The following XYLT1 variants were observed in gnomAD, a reference collection of about 807,000 sequenced individuals.
XYLT1 encodes xylosyltransferase 1, also known as beta-D-xylosyltransferase 1.
A neutral mutation model predicts 91.3 loss-of-function variants in XYLT1; 36 were observed. The observed-to-expected ratio is 0.39, with a 90% confidence interval of 0.30 to 0.52. The LOEUF (loss-of-function observed/expected upper bound fraction) is 0.52. Ranked by LOEUF, XYLT1 falls within the 20% of genes least tolerant of loss-of-function variation. The pLI, the probability that XYLT1 is intolerant of heterozygous loss-of-function variation, is 0.68. For synonymous variants in XYLT1, 588 were observed against 532.0 expected (o/e 1.11, Z -1.45); for missense variants, 1,242 against 1,284.5 (o/e 0.97, Z 0.51).
At chr16:17,218,545 G>A (rs1233319080) in intron 3 of XYLT1, among the ~76,000 whole-genome samples, 1 of 152,048 alleles carries the variant, frequency 6.6e-6, no homozygotes, top group African/African-American at 2.4e-5. Flanking sequence ...GTGAGCTATC[G>A]CTTCCAAAAT....
intron 3 of XYLT1, among the ~76,000 whole-genome samples, chr16:17,257,373 A>G (rs550718819): frequency 2.3e-4 from 35 of 152,320 alleles, no homozygotes; most frequent in South Asian, 2.1e-3. Flanking sequence ...TTTCAAATGC[A>G]TTCCTCTCTG....
In XYLT1 at chr16:17,417,989, G is replaced by A. The variant is rs113667763; in HGVS notation, c.363+52445C>T. Among the ~76,000 whole-genome samples the A allele has an allele frequency of 3.7e-3, 560 of 152,318 alleles. 4 individuals are homozygous for A. The highest frequency in any genetic ancestry group is 0.013 in the African/African-American group (533 of 41,572). ...AACCCTCACCAACTGCCAGGCACGTGCATGAGACACCTTGAGCAACCACCA... is the reference window on the plus strand; with the variant it reads ...AACCCTCACCAACTGCCAGGCACGTACATGAGACACCTTGAGCAACCACCA... On this transcript the variant is annotated intron_variant, in intron 1 of 11. Transcript: ENST00000261381.
At chr16:17,264,365 T>C (rs368697791) in intron 2 of XYLT1, among the ~76,000 whole-genome samples, 9 of 152,260 alleles carry the variant, frequency 5.9e-5, no homozygotes, top group Non-Finnish European at 1.2e-4. Context: ...TCAGTTAGCA[T>C]AATGTCCTCA....
At chr16:17,367,289 C>T (rs926695733) in intron 1 of XYLT1, among the ~76,000 whole-genome samples, 1 of 152,356 alleles carries the variant, frequency 6.6e-6, no homozygotes, top group Non-Finnish European at 1.5e-5. Context: ...CGTTACCCGA[C>T]ATGGCCCAGA....
chr16:17,409,760 T>C (rs1276985093), intron 1 of XYLT1, among the ~76,000 whole-genome samples: 1 of 151,834 alleles, frequency 6.6e-6, no homozygotes, highest in Non-Finnish European at 1.5e-5. Flanking sequence ...ATGTTGGCCA[T>C]GCTGGTCTCG....
At chr16:17,467,404 G>A (rs66554370) in intron 1 of XYLT1, among the ~76,000 whole-genome samples, 5 of 152,158 alleles carry the variant, frequency 3.3e-5, no homozygotes, top group African/African-American at 9.6e-5. Flanking sequence ...CTTTATAAGG[G>A]AGTCCATCTG....
In XYLT1 at chr16:17,351,749, T is replaced by TTGG. The variant is rs527385833; in HGVS notation, c.402+6262_402+6263insCCA. Reference sequence around the variant, plus strand: ...CTACTGACATTTGAGGCTTTTTTTTTGGGGGGGGGTGCTTTCCTGTGCATT... The same window carrying TTGG: ...CTACTGACATTTGAGGCTTTTTTTTTTGGGGGGGGGGGTGCTTTCCTGTGCATT... On this transcript the variant is annotated intron_variant, in intron 2 of 11. Coordinates refer to ENST00000261381, the MANE Select transcript of XYLT1 (RefSeq NM_022166.4). 2.4e-3 allele frequency among the ~76,000 whole-genome samples: 329 copies of TTGG among 134,900 alleles called. 8 individuals carry two copies. The highest frequency in any genetic ancestry group is 8.9e-3 in the African/African-American group (289 of 32,512). 88.5% of individuals were successfully genotyped at this position (134,900 alleles called of 152,430 possible).
At chr16:17,148,303 T>C (rs59181707) in intron 6 of XYLT1, among the ~76,000 whole-genome samples, 3,519 of 152,274 alleles carry the variant, frequency 0.023, 138 homozygotes, top group African/African-American at 0.08. Flanking sequence ...ATGCCTGGCA[T>C]CCTCAATCCT....
At chr16:17,457,820 T>C (rs770487012) in intron 1 of XYLT1, among the ~76,000 whole-genome samples, 57 of 152,170 alleles carry the variant, frequency 3.7e-4, no homozygotes, top group South Asian at 1.2e-3. Context: ...CTGCAAAGCA[T>C]AGTCCTCCAT....
chr16:17,238,802 TGGAGCTGGACTCCATC>T, intron 3 of XYLT1, among the ~76,000 whole-genome samples: 1 of 152,362 alleles, frequency 6.6e-6, no homozygotes, highest in East Asian at 1.9e-4. Flanking sequence ...ACGGCACCAG[TGGAGCTGGACTCCATC>T]CTTTTCAGTT....
intron 3 of XYLT1, among the ~76,000 whole-genome samples, chr16:17,236,212 T>C: frequency 6.6e-6 from 1 of 152,204 alleles, no homozygotes. Flanking sequence ...AGCATCTGAT[T>C]TTTAATTATT....
At chr16:17,321,005 C>T (rs2034710364) in intron 2 of XYLT1, among the ~76,000 whole-genome samples, 1 of 152,040 alleles carries the variant, frequency 6.6e-6, no homozygotes, top group Admixed American at 6.6e-5. Flanking sequence ...CCATTCCATG[C>T]AGGTTTCCCT....
intron 1 of XYLT1, among the ~76,000 whole-genome samples, chr16:17,404,007 C>A (rs997419379): frequency 1.3e-5 from 2 of 152,184 alleles, no homozygotes; most frequent in African/African-American, 4.8e-5. Flanking sequence ...AGACCACAGC[C>A]ACAGAGAATT....
chr16:17,354,969 G>T (rs4781989), intron 2 of XYLT1: 1 of 152,012 alleles, frequency 6.6e-6, no homozygotes, highest in East Asian at 1.9e-4. Context: ...TGGGAAATCA[G>T]AACTCGGGGA....
At chr16:17,205,582 C>T (rs1289572537) in intron 3 of XYLT1, among the ~76,000 whole-genome samples, 1 of 152,198 alleles carries the variant, frequency 6.6e-6, no homozygotes, top group African/African-American at 2.4e-5. Context: ...TCTAGCAAAT[C>T]CTCAATAAAT....
intron 2 of XYLT1, among the ~76,000 whole-genome samples, chr16:17,267,346 C>G (rs1259407024): frequency 6.6e-6 from 1 of 152,234 alleles, no homozygotes; most frequent in Non-Finnish European, 1.5e-5. Flanking sequence ...ATGTTAAGCA[C>G]TCAAGTGGCA....
chr16:17,143,067 C>A (rs2031028823), intron 6 of XYLT1, among the ~76,000 whole-genome samples: 1 of 152,116 alleles, frequency 6.6e-6, no homozygotes, highest in Non-Finnish European at 1.5e-5. Context: ...GCAGAGTTGG[C>A]ATTTCCTATT....
chr16:17,317,309 G>A (rs964294963), intron 2 of XYLT1, among the ~76,000 whole-genome samples: 1 of 152,026 alleles, frequency 6.6e-6, no homozygotes, highest in African/African-American at 2.4e-5. Flanking sequence ...ACTGGTAAAT[G>A]AATGCCCAAA....
chr16:17,168,570 G>A (rs1257673466), intron 5 of XYLT1, among the ~76,000 whole-genome samples: 4 of 151,794 alleles, frequency 2.6e-5, no homozygotes, highest in East Asian at 1.9e-4. Context: ...ACCTGCACAC[G>A]TACCCACTGA....
Sources: gnomAD v4.1 joint callset for allele counts (sites outside exome capture counted in the v4.1 genomes callset) on GRCh38, gnomAD v4.1.1 for gene constraint, MANE v1.5 for transcripts, NCBI Gene and HGNC (gene_info 2026-07-23, HGNC 2026-07-21) for gene names.